Variants in ELN observed in about 807,000 individuals in gnomAD.
ELN encodes the protein elastin.
In ELN, 65 loss-of-function variants were observed where a neutral mutation model predicts 105.8. The ratio of observed to expected loss-of-function variants is 0.61; its 90% CI spans 0.50 to 0.75. The LOEUF is 0.75. Ranked by LOEUF, ELN falls within the 30% of genes least tolerant of loss-of-function variation. The probability of loss-of-function intolerance (pLI) is 0.00; values close to 1 mark genes in which losing one functional copy is unlikely to be tolerated. For missense variants in ELN, 882 were observed against 969.4 expected (o/e 0.91, Z 1.20); for synonymous variants, 368 against 389.2 (o/e 0.95, Z 0.64).
At chr7:74,054,410 C>T (rs1794812064) in intron 18 of ELN, among the ~76,000 whole-genome samples, 1 of 150,322 alleles carries the variant, frequency 6.7e-6, no homozygotes, top group Admixed American at 6.6e-5. Context: ...GCGGAGATTG[C>T]AGTGAGCTGA....
chr7:74,057,194 T>C (rs369504660), intron 21 of ELN, among the ~76,000 whole-genome samples: 87 of 151,896 alleles, frequency 5.7e-4, no homozygotes, highest in African/African-American at 2.1e-3. Context: ...GCAGAGATTA[T>C]ACCATTGCAC....
rs2239691 is a variant in ELN, at chr7:74,054,839, C to T, written c.1150+70C>T. On this transcript the variant is annotated intron_variant, in intron 19 of 32. Transcript: ENST00000252034. ...TACTTGCCAGAACTAAAGGACCCTC[C>T]TCTACTTGCCCAGAGAAGGGAAGTG... The T allele has an allele frequency of 0.37, 574,840 of 1,563,958 alleles. 110,961 individuals are homozygous for T. The highest frequency in any genetic ancestry group is 0.41 in the Non-Finnish European group (460,913 of 1,136,612).
intron 2 of ELN, chr7:74,035,689 G>T: frequency 1.9e-6 from 1 of 527,376 alleles, no homozygotes; most frequent in Non-Finnish European, 3.5e-6. Context: ...GGACAACATA[G>T]TGAGATCCCC....
Position 74,054,611 on chromosome 7 carries a change from T to A in ELN, c.1097-105T>A. On this transcript the variant is annotated intron_variant, in intron 18 of 32. Coordinates refer to ENST00000252034, the MANE Select transcript of ELN (RefSeq NM_000501.4). The stretch of plus-strand genomic sequence containing the variant: ...ATGTGTAGCCAACTCTATGTTGGCA[T>A]GAAAGGAGATGGCCCAACACACAGA... The A allele has an allele frequency of 6.8e-6, 8 of 1,175,654 alleles. No homozygotes were observed. In the South Asian group the frequency reaches 9.8e-5, roughly 14 times the overall value. 72.8% of individuals were successfully genotyped at this position (1,175,654 alleles called of 1,614,324 possible). A position where few individuals can be genotyped will look rare whatever the true frequency, so the allele number is the denominator to read the frequency against.
chr7:74,053,358 G>A (rs782165116), intron 18 of ELN, 49 bp downstream of exon 18: 2 of 1,483,646 alleles, frequency 1.3e-6, no homozygotes, highest in Non-Finnish European at 1.8e-6. Context: ...GTGTGTGTGT[G>A]TATTAGAGAG....
chr7:74,028,323 G>A, intron 1 of ELN, 54 bp downstream of exon 1: 1 of 1,570,576 alleles, frequency 6.4e-7, no homozygotes, highest in Non-Finnish European at 8.6e-7. Context: ...GGGCCCTTTG[G>A]GCCAGGTGAC....
Position 74,057,659 on chromosome 7 carries a change from TGCAGCTGCTAAA to T in ELN, c.1383_1394del (p.Ala466_Ala469del), listed in dbSNP as rs1554681139. 3.1e-6 allele frequency: 5 copies of T among 1,613,876 alleles called. No homozygotes were observed. Among genetic ancestry groups the T allele is most frequent in the Non-Finnish European group, 1.7e-6 (2 of 1,180,012 alleles). ...CTCCAGGAGTGGGGACCCCAGCAGC[TGCAGCTGCTAAA>T]GCAGCCGCCAAAGCCGCCCAGTTTG... On this transcript the variant is annotated inframe_deletion, in exon 22 of 33. Coordinates refer to ENST00000252034, the MANE Select transcript of ELN (RefSeq NM_000501.4).
In ELN at chr7:74,037,722, G is replaced by A; in HGVS notation, c.179G>A (p.Gly60Asp). The change falls in exon 4 of 33, where the codon GGC (glycine) becomes GAC (aspartate). Residue 60 changes from glycine to aspartate, a missense_variant. Coordinates refer to ENST00000252034, the MANE Select transcript of ELN (RefSeq NM_000501.4). ...ALGGGALGPG[G>D]KPLKPVPGGL... is the part of the protein sequence containing the mutation. ...CCCTCTGCAGCGCTGGGGCCTGGAGGCAAACCTCTTAAGCCAGGTAAGACC... is the reference window on the plus strand; with the variant it reads ...CCCTCTGCAGCGCTGGGGCCTGGAGACAAACCTCTTAAGCCAGGTAAGACC... 6.2e-7 allele frequency: 1 copy of A among 1,612,368 alleles called. No individual in the cohort carries two copies. Among genetic ancestry groups the A allele is most frequent in the Non-Finnish European group, 8.5e-7 (1 of 1,179,352 alleles).
Position 74,063,611 on chromosome 7 carries a change from G to A in ELN, c.1919-10G>A, listed in dbSNP as rs1195650282. ...GACCAGCGGAGTCTAATGCTCAGCT[G>A]TCTCCACAGGCCTAGTGGGAGCCGC... On this transcript the variant is annotated splice_polypyrimidine_tract_variant and intron_variant, in intron 28 of 32. Coordinates refer to ENST00000252034, the MANE Select transcript of ELN (RefSeq NM_000501.4). The surrounding 1 kb of genome is among the most constrained non-coding windows in gnomAD (Gnocchi z 4.1). 2 of 1,614,100 alleles carry A rather than the reference G, an allele frequency of 1.2e-6. No individual in the cohort carries two copies. Among genetic ancestry groups the A allele is most frequent in the Non-Finnish European group, 1.7e-6 (2 of 1,180,048 alleles).
chr7:74,056,122 T>A, intron 19 of ELN, 149 bp from the exon 20 acceptor site: 1 of 1,007,208 alleles, frequency 9.9e-7, no homozygotes, highest in Admixed American at 2.0e-5. Flanking sequence ...GTGGAGGTGC[T>A]GGGGACCCAG....
intron 12 of ELN, 95 bp downstream of exon 12, chr7:74,046,862 T>A (rs1792681156): frequency 7.2e-7 from 1 of 1,381,666 alleles, no homozygotes; most frequent in Admixed American, 1.9e-5. Context: ...GGCGGGCAGA[T>A]CACTTGAGGT....
chr7:74,031,348 C>T (rs782407111), intron 1 of ELN, among the ~76,000 whole-genome samples: 2 of 152,140 alleles, frequency 1.3e-5, no homozygotes, highest in Non-Finnish European at 2.9e-5. Context: ...ATAAAAGGAC[C>T]GTGGGAATGG....
intron 25 of ELN, 160 bp downstream of exon 25, chr7:74,060,661 G>T (rs1796450901): frequency 6.5e-7 from 1 of 1,543,696 alleles, no homozygotes; most frequent in African/African-American, 1.4e-5. Context: ...ATAGCGGGAG[G>T]AGGGCAGACC....
intron 5 of ELN, 88 bp downstream of exon 5, chr7:74,041,339 C>A (rs1791172112): frequency 6.4e-7 from 1 of 1,558,310 alleles, no homozygotes; most frequent in Non-Finnish European, 8.8e-7. Flanking sequence ...GGTCATGGAA[C>A]AAGGGTGCAG....
rs555096630 is a variant in ELN, at chr7:74,069,358, C to T, written c.*658C>T. 6 of 236,556 alleles carry T rather than the reference C, an allele frequency of 2.5e-5. No individual in the cohort carries two copies. Among genetic ancestry groups the T allele is most frequent in the Admixed American group, 5.4e-5 (1 of 18,396 alleles). The allele number at this position is 236,556 out of a possible 1,614,324, so 14.7% of individuals were successfully genotyped here. A position where few individuals can be genotyped will look rare whatever the true frequency, so the allele number is the denominator to read the frequency against. On this transcript the variant is annotated 3_prime_UTR_variant, in exon 33 of 33. Transcript: ENST00000252034. ...TCCGCCCATCCGTCCATTCATCCATCGGTCCGTCCATCCATGTCCCCAGTT... is the reference window on the plus strand; with the variant it reads ...TCCGCCCATCCGTCCATTCATCCATTGGTCCGTCCATCCATGTCCCCAGTT...
rs1178392300 is a variant in ELN at position 74,035,361 on chromosome 7, C to T, written c.83-3C>T. On this transcript the variant is annotated splice_region_variant and splice_polypyrimidine_tract_variant and intron_variant, in intron 1 of 32. Transcript: ENST00000252034. ...AGGACTGACTCTACCTGTTTCCTTT[C>T]AGGGGTCCCTGGGGCCATTCCTGGT... 1.2e-6 allele frequency: 2 copies of T among 1,613,954 alleles called. No individual in the cohort carries two copies. Among genetic ancestry groups the T allele is most frequent in the Non-Finnish European group, 1.7e-6 (2 of 1,180,000 alleles).
rs552951842 is a variant in ELN, at chr7:74,048,084, G to C, written c.686-58G>C. 115 of 1,605,452 alleles carry C rather than the reference G, an allele frequency of 7.2e-5. 1 individual carries two copies. The African/African-American group carries it at 1.4e-3, about 19-fold the overall frequency. ...GCCCCGAGGGCAGAGCAGGGGGAGG[G>C]GGAGGGCAGCAGTGGTGATGTCTGC... On this transcript the variant is annotated intron_variant, in intron 13 of 32. Transcript: ENST00000252034.
At chr7:74,060,876 G>T (rs1554684040) in intron 25 of ELN, among the ~76,000 whole-genome samples, 1 of 152,206 alleles carries the variant, frequency 6.6e-6, no homozygotes, top group African/African-American at 2.4e-5. Context: ...GCCCCACTCT[G>T]TGCCCAGCCT....
chr7:74,053,368 GAA>G (rs1271840437), intron 18 of ELN, 59 bp downstream of exon 18: 2 of 1,577,150 alleles, frequency 1.3e-6, no homozygotes, highest in Non-Finnish European at 1.7e-6. Flanking sequence ...GTATTAGAGA[GAA>G]ATATTGAGAC....
Sources: gnomAD v4.1 joint callset for allele counts (sites outside exome capture counted in the v4.1 genomes callset) on GRCh38, gnomAD v4.1.1 for gene constraint, Gnocchi (gnomAD v3.1) non-coding constraint, MANE v1.5 for transcripts, NCBI Gene and HGNC (gene_info 2026-07-23, HGNC 2026-07-21) for gene names.